The following GRIK2 variants were observed in gnomAD, a reference collection of about 807,000 sequenced individuals.
GRIK2 encodes glutamate ionotropic receptor kainate type subunit 2, also known as glutamate receptor ionotropic, kainate 2.
GRIK2 carries 32 observed loss-of-function variants against 100.3 expected under a neutral mutation model. That is an observed-to-expected ratio of 0.32 (90% confidence interval 0.24 to 0.43). The LOEUF (loss-of-function observed/expected upper bound fraction) is 0.43. Ranked by LOEUF, GRIK2 falls within the 20% of genes least tolerant of loss-of-function variation. The pLI, the probability that GRIK2 is intolerant of heterozygous loss-of-function variation, is 1.00. For missense variants in GRIK2, 843 were observed against 1,114.9 expected (o/e 0.76, Z 3.47); for synonymous variants, 417 against 389.4 (o/e 1.07, Z -0.83).
At chr6:101,595,706 GTGTGTGTGTGTGTA>G (rs1445735591) in intron 2 of GRIK2, among the ~76,000 whole-genome samples, 5 of 125,386 alleles carry the variant, frequency 4.0e-5, no homozygotes, top group African/African-American at 1.6e-4. Flanking sequence ...ATATGTGTGT[GTGTGTGTGTGTGTA>G]TATATATATA....
chr6:101,816,142 G>T (rs948652490), intron 9 of GRIK2, among the ~76,000 whole-genome samples: 2 of 152,008 alleles, frequency 1.3e-5, no homozygotes, highest in African/African-American at 4.8e-5. Context: ...AACTTTCTAA[G>T]GTTTTATTAG....
At chr6:101,742,755 A>T (rs1440177890) in intron 7 of GRIK2, among the ~76,000 whole-genome samples, 1 of 152,204 alleles carries the variant, frequency 6.6e-6, no homozygotes, top group African/African-American at 2.4e-5. Flanking sequence ...TACCATGCAG[A>T]TGAAGCTTTT....
chr6:101,982,678 G>A (rs539953644), intron 14 of GRIK2, among the ~76,000 whole-genome samples: 3 of 149,390 alleles, frequency 2.0e-5, no homozygotes, highest in East Asian at 2.0e-4. Flanking sequence ...CAATGTGTAC[G>A]AGAATCCAGA....
At chr6:102,017,397 C>T (rs1451801649) in intron 14 of GRIK2, among the ~76,000 whole-genome samples, 1 of 152,124 alleles carries the variant, frequency 6.6e-6, no homozygotes, top group Non-Finnish European at 1.5e-5. Context: ...CCAGGTTCCT[C>T]CCTTGACATC....
chr6:101,576,257 G>T (rs114719933), intron 2 of GRIK2, among the ~76,000 whole-genome samples: 4,670 of 152,000 alleles, frequency 0.031, 149 homozygotes, highest in African/African-American at 0.071. Flanking sequence ...GTACAAGGAA[G>T]TCACTATTTC....
intron 7 of GRIK2, among the ~76,000 whole-genome samples, chr6:101,759,371 A>G (rs892027898): frequency 1.8e-4 from 27 of 152,124 alleles, no homozygotes; most frequent in African/African-American, 5.8e-4. Flanking sequence ...TTCTGAGTAA[A>G]AGAAGGAGGC....
rs936339950 is a variant in GRIK2 at position 101,513,378 on chromosome 6, T to A, written c.116-108571T>A. 2.2e-4 allele frequency among the ~76,000 whole-genome samples: 34 copies of A among 152,288 alleles called. 1 individual carries two copies. The highest frequency in any genetic ancestry group is 7.9e-4 in the African/African-American group (33 of 41,570). ...TTCTTTTGAAGTCTTATAGTGGCTG[T>A]CCTTAGAGACAATAGGATGACAGAT... On this transcript the variant is annotated intron_variant, in intron 2 of 16. Coordinates refer to ENST00000369134, the MANE Select transcript of GRIK2 (RefSeq NM_021956.5).
chr6:101,695,002 T>C (rs1772379028), intron 7 of GRIK2, among the ~76,000 whole-genome samples: 1 of 149,990 alleles, frequency 6.7e-6, no homozygotes, highest in East Asian at 1.9e-4. Flanking sequence ...GAGGGAAATA[T>C]ATAAAAATAT....
chr6:101,532,506 C>G (rs1019018772), intron 2 of GRIK2, among the ~76,000 whole-genome samples: 18 of 148,926 alleles, frequency 1.2e-4, no homozygotes, highest in Admixed American at 2.7e-4. Context: ...TATTTATCAC[C>G]TTTTGCATAA....
chr6:101,938,858 G>A (rs1582576272), intron 14 of GRIK2, among the ~76,000 whole-genome samples: 1 of 151,958 alleles, frequency 6.6e-6, no homozygotes, highest in Non-Finnish European at 1.5e-5. Flanking sequence ...GCGATAAAAT[G>A]TACTTTTACA....
chr6:102,009,521 G>T (rs1008427897), intron 14 of GRIK2, among the ~76,000 whole-genome samples: 3 of 152,046 alleles, frequency 2.0e-5, no homozygotes, highest in Admixed American at 6.6e-5. Flanking sequence ...TAAAAAGGAA[G>T]AACTTCTCTT....
intron 11 of GRIK2, among the ~76,000 whole-genome samples, chr6:101,888,425 A>G (rs1481161519): frequency 2.6e-5 from 4 of 152,204 alleles, no homozygotes; most frequent in African/African-American, 4.8e-5. Flanking sequence ...CTACCTAAAG[A>G]ATATTAGCAA....
intron 2 of GRIK2, among the ~76,000 whole-genome samples, chr6:101,472,440 T>A (rs1771996846): frequency 6.6e-6 from 1 of 151,838 alleles, no homozygotes; most frequent in South Asian, 2.1e-4. Flanking sequence ...AAGAGACACA[T>A]CATAGATTTC....
chr6:101,965,027 G>A (rs991959860), intron 14 of GRIK2, among the ~76,000 whole-genome samples: 6 of 152,136 alleles, frequency 3.9e-5, no homozygotes, highest in African/African-American at 1.4e-4. Context: ...CAGGAGAGAT[G>A]CATCTAAGCT....
At chr6:101,764,573 A>G (rs956400878) in intron 7 of GRIK2, among the ~76,000 whole-genome samples, 2 of 152,146 alleles carry the variant, frequency 1.3e-5, no homozygotes, top group African/African-American at 4.8e-5. Flanking sequence ...CTCAGTGAAT[A>G]TTATGACCAT....
chr6:101,725,076 A>G (rs1007740144), intron 7 of GRIK2, among the ~76,000 whole-genome samples: 2 of 152,052 alleles, frequency 1.3e-5, no homozygotes, highest in Non-Finnish European at 2.9e-5. Context: ...CAATAAATCT[A>G]CTAGTTACTT....
chr6:101,465,507 A>C (rs1771594442), intron 2 of GRIK2, among the ~76,000 whole-genome samples: 3 of 152,170 alleles, frequency 2.0e-5, no homozygotes, highest in African/African-American at 7.2e-5. Context: ...TTCTTAATCC[A>C]ATCACCCATG....
intron 4 of GRIK2, among the ~76,000 whole-genome samples, chr6:101,674,025 CAGTT>C (rs1029211676): frequency 2.0e-4 from 31 of 152,178 alleles, no homozygotes; most frequent in African/African-American, 7.2e-4. Context: ...CTTTTTTCTG[CAGTT>C]AGTTGTATTT....
At chr6:101,660,540 G>A (rs543648500) in intron 4 of GRIK2, among the ~76,000 whole-genome samples, 17 of 152,150 alleles carry the variant, frequency 1.1e-4, no homozygotes, top group African/African-American at 2.2e-4. Context: ...GATCCTTTGC[G>A]GGAGAAGAGA....
Sources: allele counts gnomAD v4.1 joint callset (sites outside exome capture counted in the v4.1 genomes callset), GRCh38; gene constraint gnomAD v4.1.1; transcripts MANE v1.5; gene names NCBI Gene and HGNC (gene_info 2026-07-23, HGNC 2026-07-21).